The following DRC1 variants were observed in gnomAD, a reference collection of about 807,000 sequenced individuals.
The protein encoded by DRC1 is dynein regulatory complex protein 1.
DRC1 carries 74 observed loss-of-function variants against 98.7 expected under a neutral mutation model. That is an observed-to-expected ratio of 0.75 (90% confidence interval 0.62 to 0.91). The LOEUF (loss-of-function observed/expected upper bound fraction) is 0.91, where lower values mean the gene tolerates loss of function less well. DRC1 is among the 40% of genes least tolerant of loss of function. The pLI is 0.00. For missense variants in DRC1, 875 were observed against 886.0 expected (o/e 0.99, Z 0.16); for synonymous variants, 336 against 334.1 (o/e 1.01, Z -0.06).
chr2:26,443,638 T>C (rs1663775570), intron 8 of DRC1, among the ~76,000 whole-genome samples: 1 of 152,262 alleles, frequency 6.6e-6, no homozygotes, highest in Admixed American at 6.5e-5. Flanking sequence ...TATTCATCTT[T>C]GTCTTTCAAC....
intron 1 of DRC1, among the ~76,000 whole-genome samples, chr2:26,408,324 G>A (rs1018936574): frequency 6.6e-6 from 1 of 152,146 alleles, no homozygotes; most frequent in Non-Finnish European, 1.5e-5. Flanking sequence ...GGAAAATAAG[G>A]GGATTCAGGG....
intron 3 of DRC1, among the ~76,000 whole-genome samples, chr2:26,422,842 C>T (rs1243562529): frequency 6.6e-6 from 1 of 151,568 alleles, no homozygotes; most frequent in Non-Finnish European, 1.5e-5. Context: ...ATCACTTGAG[C>T]CCAGGAGGTG....
rs561186847 is a variant in DRC1 at position 26,439,551 on chromosome 2, C to T, written c.889-827C>T. On this transcript the variant is annotated intron_variant, in intron 7 of 16. Coordinates refer to ENST00000288710, the MANE Select transcript of DRC1 (RefSeq NM_145038.5). ...AAGTAAGGATGACTGTGTTTGTCCT[C>T]CTTTTAAATGAGCCTGGGTTGCTAA... 2.0e-5 allele frequency among the ~76,000 whole-genome samples: 3 copies of T among 152,228 alleles called. No homozygotes were observed. In the East Asian group the frequency reaches 5.8e-4, roughly 29 times the overall value.
intron 2 of DRC1, among the ~76,000 whole-genome samples, chr2:26,416,271 A>G (rs1157930065): frequency 6.6e-6 from 1 of 151,798 alleles, no homozygotes; most frequent in African/African-American, 2.4e-5. Context: ...CTTTTTTGAG[A>G]CGGAGTCTTG....
intron 13 of DRC1, among the ~76,000 whole-genome samples, chr2:26,451,033 C>T (rs1663994118): frequency 6.6e-6 from 1 of 152,190 alleles, no homozygotes; most frequent in South Asian, 2.1e-4. Context: ...CCAGCTTCAT[C>T]CATGTCCCTG....
chr2:26,407,933 G>A (rs891923704), intron 1 of DRC1, among the ~76,000 whole-genome samples: 2 of 152,092 alleles, frequency 1.3e-5, no homozygotes, highest in South Asian at 2.1e-4. Context: ...AGTTTTCTCC[G>A]TAAATATTCA....
rs1161998043 is a variant in DRC1 at position 26,425,284 on chromosome 2, T to G, written c.540+830T>G. 4.6e-5 allele frequency among the ~76,000 whole-genome samples: 7 copies of G among 152,240 alleles called. No homozygotes were observed. In the East Asian group the frequency reaches 1.3e-3, roughly 29 times the overall value. On this transcript the variant is annotated intron_variant, in intron 4 of 16. Coordinates refer to ENST00000288710, the MANE Select transcript of DRC1 (RefSeq NM_145038.5). ...TTTTTAAGGCTGCGTAGTATTTCAT[T>G]GCATATATATACCACATCTTGTTTT...
intron 2 of DRC1, among the ~76,000 whole-genome samples, chr2:26,420,010 C>G (rs538864879): frequency 9.2e-5 from 14 of 152,280 alleles, no homozygotes; most frequent in African/African-American, 3.4e-4. Flanking sequence ...TCTGTCTCAA[C>G]AGTTCCGAGT....
At chr2:26,439,341 T>G (rs1314757410) in intron 7 of DRC1, among the ~76,000 whole-genome samples, 1 of 152,166 alleles carries the variant, frequency 6.6e-6, no homozygotes, top group Non-Finnish European at 1.5e-5. Context: ...CCCATAACGG[T>G]CTGGCCTTCC....
In DRC1 at chr2:26,402,045, C is replaced by G. The variant is rs753185786; in HGVS notation, c.56C>G (p.Ser19Cys). 1.2e-6 allele frequency: 2 copies of G among 1,613,334 alleles called. No homozygotes were observed. Among genetic ancestry groups the G allele is most frequent in the Admixed American group, 3.3e-5 (2 of 60,012 alleles). The change falls in exon 1 of 17, where the codon TCC becomes TGC. Residue 19 changes from serine to cysteine, a missense_variant. Physicochemically the swap from Ser to Cys is moderately radical, Grantham distance 112 (BLOSUM62 -1). Coordinates refer to ENST00000288710, the MANE Select transcript of DRC1 (RefSeq NM_145038.5). ...GACCCGAACGTGGACGAGCACTTGT[C>G]CACCCAGATTCTCGCGCCCTCGGTC... ...ALDPNVDEHL[S>C]TQILAPSVHS... is the part of the protein sequence containing the mutation.
At chr2:26,427,709 C>A (rs889812931) in intron 4 of DRC1, among the ~76,000 whole-genome samples, 1 of 152,012 alleles carries the variant, frequency 6.6e-6, no homozygotes, top group Non-Finnish European at 1.5e-5. Flanking sequence ...CATCCCCATT[C>A]CTCCCTGACC....
intron 7 of DRC1, among the ~76,000 whole-genome samples, chr2:26,434,680 G>A (rs1473218529): frequency 1.3e-5 from 2 of 152,114 alleles, no homozygotes; most frequent in African/African-American, 4.8e-5. Flanking sequence ...TCATGAGGTC[G>A]GGAGATCGAG....
Position 26,450,660 on chromosome 2 carries a change from C to G in DRC1, c.1668C>G (p.His556Gln), listed in dbSNP as rs758445865. 6.2e-7 allele frequency: 1 copy of G among 1,606,116 alleles called. No homozygotes were observed. The highest frequency in any genetic ancestry group is 1.7e-5 in the Admixed American group (1 of 59,166). The change falls in exon 13 of 17, where the codon CAC becomes CAG. Residue 556 changes from histidine (H) to glutamine (Q), a missense_variant. By Grantham distance (24) the His-to-Gln change is conservative (BLOSUM62 0). Transcript: ENST00000288710. ...LVNFFLKYRA[H>Q]RLSSSLQIKP... ...ACTTCTTCCTTAAATATCGAGCTCA[C>G]CGTTTATCTTCCAGCCTCCAGGTAA... is the stretch of plus-strand genomic sequence containing the variant.
intron 4 of DRC1, among the ~76,000 whole-genome samples, chr2:26,425,089 C>A (rs999532663): frequency 3.9e-5 from 6 of 152,224 alleles, no homozygotes; most frequent in Non-Finnish European, 8.8e-5. Context: ...CCCTCTTCCA[C>A]TTCCCCCTAG....
intron 1 of DRC1, among the ~76,000 whole-genome samples, chr2:26,411,999 A>G (rs1200132589): frequency 2.6e-5 from 4 of 152,194 alleles, no homozygotes; most frequent in Non-Finnish European, 4.4e-5. Flanking sequence ...GCCTGGCAAT[A>G]GCTGAAGACC....
intron 16 of DRC1, among the ~76,000 whole-genome samples, chr2:26,455,628 C>A (rs11126491): frequency 0.42 from 63,724 of 152,098 alleles, 14,474 homozygotes; most frequent in East Asian, 0.68. Context: ...TCATTTCACA[C>A]AAAGGACAAT....
At chr2:26,403,374 A>C (rs1678314861) in intron 1 of DRC1, among the ~76,000 whole-genome samples, 2 of 152,222 alleles carry the variant, frequency 1.3e-5, no homozygotes, top group African/African-American at 4.8e-5. Context: ...GCCCACCAGT[A>C]TAGTATTATA....
At chr2:26,449,103 G>A (rs2148003917) in intron 11 of DRC1, among the ~76,000 whole-genome samples, 1 of 152,368 alleles carries the variant, frequency 6.6e-6, no homozygotes, top group Middle Eastern at 3.4e-3. Flanking sequence ...TTCTGAGACA[G>A]AAGTTGCACC....
chr2:26,445,726 T>A (rs1663833102), intron 10 of DRC1, among the ~76,000 whole-genome samples: 1 of 152,140 alleles, frequency 6.6e-6, no homozygotes, highest in African/African-American at 2.4e-5. Context: ...TGGCGCGATC[T>A]GGGCTCACTG....
Sources: gnomAD v4.1 joint callset for allele counts (sites outside exome capture counted in the v4.1 genomes callset) on GRCh38, gnomAD v4.1.1 for gene constraint, MANE v1.5 for transcripts, NCBI Gene and HGNC (gene_info 2026-07-23, HGNC 2026-07-21) for gene names.